The following MALSU1 variants were observed in gnomAD, a reference collection of about 807,000 sequenced individuals.
The protein encoded by MALSU1 is mitochondrial assembly of ribosomal large subunit 1, also known as mitochondrial assembly of ribosomal large subunit protein 1.
Under a neutral mutation model 22.1 loss-of-function variants are expected in MALSU1, and 22 were observed. That is an observed-to-expected ratio of 1.00 (90% CI 0.71 to 1.42). MALSU1 has a LOEUF of 1.42. MALSU1 is among the 40% of genes most tolerant of loss of function. The pLI is 0.00. For missense variants in MALSU1, 379 were observed against 308.3 expected, an observed-to-expected ratio of 1.23 and a Z score of -1.72; for synonymous variants, 153 against 118.5, an observed-to-expected ratio of 1.29 and a Z score of -1.89.
intron 2 of MALSU1, among the ~76,000 whole-genome samples, chr7:23,305,499 C>G (rs1196558542): frequency 6.6e-6 from 1 of 151,864 alleles, no homozygotes; most frequent in African/African-American, 2.4e-5. Flanking sequence ...CCTCAGCCTC[C>G]CAAGTAGCTG....
intron 2 of MALSU1, among the ~76,000 whole-genome samples, chr7:23,304,357 T>G (rs1261678414): frequency 6.6e-6 from 1 of 152,216 alleles, no homozygotes; most frequent in Non-Finnish European, 1.5e-5. Context: ...ATTTTCTCAT[T>G]TTGGTAATAG....
rs968297808 is a variant in MALSU1, at chr7:23,310,806, T to TTA, written c.*1271_*1272dup. The TTA allele has an allele frequency of 6.6e-5, 10 of 151,938 alleles. No individual in the cohort carries two copies. Among genetic ancestry groups the TTA allele is most frequent in the Non-Finnish European group, 1.0e-4 (7 of 67,990 alleles). 9.4% of individuals were successfully genotyped at this position (151,938 alleles called of 1,614,324 possible). A position where few individuals can be genotyped will look rare whatever the true frequency, so the allele number is the denominator to read the frequency against. On this transcript the variant is annotated 3_prime_UTR_variant, in exon 4 of 4. Coordinates refer to ENST00000466681, the MANE Select transcript of MALSU1 (RefSeq NM_138446.2). ...AGGCAGTGATTTTTTTTTTAAAGGG[T>TTA]TATATATATGTCCTTTAGATCAGTG...
chr7:23,309,558 TGC>T lies in MALSU1; in HGVS notation c.*17_*18del, dbSNP rs776405814. ...AATGTGAATAAAATATTTTATGCAC[TGC>T]GTTAGTCATTTCAGATTTGGATTGA... On this transcript the variant is annotated 3_prime_UTR_variant, in exon 4 of 4. Transcript: ENST00000466681. 6.4e-7 allele frequency: 1 copy of T among 1,561,244 alleles called. No homozygotes were observed. Among genetic ancestry groups the T allele is most frequent in the African/African-American group, 1.4e-5 (1 of 73,002 alleles).
chr7:23,308,733 C>T (rs1479081472), intron 3 of MALSU1, among the ~76,000 whole-genome samples: 1 of 152,122 alleles, frequency 6.6e-6, no homozygotes, highest in African/African-American at 2.4e-5. Context: ...TTATAACTGG[C>T]AGGAAGCAGG....
At chr7:23,300,726 C>A in intron 1 of MALSU1, 113 bp from the exon 2 acceptor site, 1 of 895,086 alleles carries the variant, frequency 1.1e-6, no homozygotes, top group African/African-American at 1.7e-5. Flanking sequence ...TCTGTAAAAA[C>A]ACTTTGGATC....
intron 2 of MALSU1, among the ~76,000 whole-genome samples, chr7:23,306,429 CTT>C (rs575334744): frequency 4.9e-5 from 7 of 142,842 alleles, no homozygotes; most frequent in Admixed American, 1.4e-4. Context: ...ATTTGGGTAC[CTT>C]TTTTTTTTTT....
At chr7:23,305,922 C>T (rs139834866) in intron 2 of MALSU1, among the ~76,000 whole-genome samples, 3 of 151,892 alleles carry the variant, frequency 2.0e-5, no homozygotes, top group Admixed American at 6.6e-5. Flanking sequence ...AGGCTGCTCA[C>T]GGTGGCTGAT....
At position 23,310,481 on chromosome 7, in the gene MALSU1, A is replaced by G. The variant is rs982264623; in HGVS notation, c.*938A>G. 4.6e-5 allele frequency: 7 copies of G among 152,234 alleles called. No individual in the cohort carries two copies. The highest frequency in any genetic ancestry group is 1.7e-4 in the African/African-American group (7 of 41,472). The allele number at this position is 152,234 out of a possible 1,614,324, so 9.4% of individuals were successfully genotyped here. ...GCACCTATGTGTATATTTTTAAAAAATCAAATATTGGGGAAAAAAATCAAA... is the reference window on the plus strand; with the variant it reads ...GCACCTATGTGTATATTTTTAAAAAGTCAAATATTGGGGAAAAAAATCAAA... On this transcript the variant is annotated 3_prime_UTR_variant, in exon 4 of 4. Coordinates refer to ENST00000466681, the MANE Select transcript of MALSU1 (RefSeq NM_138446.2).
chr7:23,303,857 G>A (rs1783690895), intron 2 of MALSU1, among the ~76,000 whole-genome samples: 1 of 150,872 alleles, frequency 6.6e-6, no homozygotes, highest in African/African-American at 2.4e-5. Context: ...TGTAATCCCA[G>A]CACTTTGGGA....
intron 2 of MALSU1, among the ~76,000 whole-genome samples, chr7:23,302,039 G>T (rs1403712043): frequency 2.0e-5 from 3 of 152,008 alleles, no homozygotes; most frequent in African/African-American, 4.8e-5. Flanking sequence ...CAATAGCCAC[G>T]TGTGGCTAAT....
At position 23,300,965 on chromosome 7, in the gene MALSU1, G is replaced by C. The variant is rs1264388678; in HGVS notation, c.383G>C (p.Ser128Thr). 5 of 1,614,026 alleles carry C rather than the reference G, an allele frequency of 3.1e-6. No individual in the cohort carries two copies. The highest frequency in any genetic ancestry group is 3.4e-6 in the Non-Finnish European group (4 of 1,179,996). ...MRYTDYFVIV[S>T]GTSTRHLHAM... ...TATACAGATTACTTTGTGATTGTTAGTGGAACTTCTACCCGACACTTACAT... is the reference window on the plus strand; with the variant it reads ...TATACAGATTACTTTGTGATTGTTACTGGAACTTCTACCCGACACTTACAT... Residue 128 changes from serine to threonine, a missense_variant, in exon 2 of 4, where the codon AGT becomes ACT. By Grantham distance (58) the Ser-to-Thr change is moderately conservative (BLOSUM62 1). Transcript: ENST00000466681.
At position 23,309,424 on chromosome 7, in the gene MALSU1, C is replaced by A. The variant is rs761036860; in HGVS notation, c.586C>A (p.Leu196Ile). 1 of 1,613,568 alleles carries A rather than the reference C, an allele frequency of 6.2e-7. No individual in the cohort carries two copies. Among genetic ancestry groups the A allele is most frequent in the African/African-American group, 1.3e-5 (1 of 74,900 alleles). ...EIYELEKLWT[L>I]RSYDDQLAQI... ...CTATGAATTAGAGAAATTATGGACC[C>A]TACGTTCTTATGATGACCAGTTAGC... is the stretch of plus-strand genomic sequence containing the variant. Residue 196 changes from leucine (L) to isoleucine (I), a missense_variant, in exon 4 of 4, where the codon CTA becomes ATA. Leu to Ile is a conservative substitution (Grantham distance 5, BLOSUM62 2). Coordinates refer to ENST00000466681, the MANE Select transcript of MALSU1 (RefSeq NM_138446.2).
At position 23,300,977 on chromosome 7, in the gene MALSU1, C is replaced by G. The variant is rs367666703; in HGVS notation, c.395C>G (p.Thr132Ser). 1.2e-6 allele frequency: 2 copies of G among 1,613,962 alleles called. No individual in the cohort carries two copies. The highest frequency in any genetic ancestry group is 1.7e-6 in the Non-Finnish European group (2 of 1,179,944). The change falls in exon 2 of 4, where the codon ACC (threonine) becomes AGC (serine). Residue 132 changes from threonine to serine, a missense_variant. Thr to Ser is a moderately conservative substitution (Grantham distance 58). Transcript: ENST00000466681. ...DYFVIVSGTSTRHLHAMAFYV... is the reference protein window; with the variant it reads ...DYFVIVSGTSSRHLHAMAFYV... ...TTTGTGATTGTTAGTGGAACTTCTA[C>G]CCGACACTTACATGCCATGGCCTTC...
chr7:23,301,184 CAT>C (rs1783640085), intron 2 of MALSU1, 167 bp downstream of exon 2: 1 of 581,876 alleles, frequency 1.7e-6, no homozygotes, highest in Non-Finnish European at 3.0e-6. Context: ...GATAGTGAAA[CAT>C]ATGGGAGCAA....
Position 23,299,601 on chromosome 7 carries a change from C to T in MALSU1, c.249C>T (p.Asp83=), listed in dbSNP as rs1195861108. 2.5e-6 allele frequency: 4 copies of T among 1,583,696 alleles called. No homozygotes were observed. The South Asian group carries it at 4.6e-5, about 18-fold the overall frequency. Reference sequence around the variant, plus strand: ...TCAACGAGGGACGCCCAGAATCGGACGCGGCAGGTACGGGCGTGGAGAAGA... The same window carrying T: ...TCAACGAGGGACGCCCAGAATCGGATGCGGCAGGTACGGGCGTGGAGAAGA... ...GTVNEGRPES[D]AADHTGPKFD... Residue 83 remains aspartate (D), a synonymous_variant, in exon 1 of 4, where the codon GAC becomes GAT. Coordinates refer to ENST00000466681, the MANE Select transcript of MALSU1 (RefSeq NM_138446.2).
chr7:23,300,282 G>A (rs1299417068), intron 1 of MALSU1, among the ~76,000 whole-genome samples: 2 of 152,090 alleles, frequency 1.3e-5, no homozygotes, highest in African/African-American at 4.8e-5. Flanking sequence ...AAACTGGAAG[G>A]TTCAAAATAA....
At position 23,300,911 on chromosome 7, in the gene MALSU1, G is replaced by A. The variant is rs749599138; in HGVS notation, c.329G>A (p.Cys110Tyr). The stretch of plus-strand genomic sequence containing the variant: ...AGGCAAGAAAATGCAAGAGACATTT[G>A]TGTGATCCAGGTTCCTCCAGAAATG... The part of the protein sequence containing the change: ...LLRQENARDI[C>Y]VIQVPPEMRY... The change falls in exon 2 of 4, where the codon TGT (cysteine) becomes TAT (tyrosine). Residue 110 changes from cysteine (C) to tyrosine (Y), a missense_variant. Physicochemically the swap from Cys to Tyr is radical, Grantham distance 194 (BLOSUM62 -2). Coordinates refer to ENST00000466681, the MANE Select transcript of MALSU1 (RefSeq NM_138446.2). 6.2e-7 allele frequency: 1 copy of A among 1,614,020 alleles called. No individual in the cohort carries two copies. Among genetic ancestry groups the A allele is most frequent in the South Asian group, 1.1e-5 (1 of 91,078 alleles).
In MALSU1 at chr7:23,311,281, A is replaced by G. The variant is rs891401366; in HGVS notation, c.*1738A>G. On this transcript the variant is annotated 3_prime_UTR_variant, in exon 4 of 4. Coordinates refer to ENST00000466681, the MANE Select transcript of MALSU1 (RefSeq NM_138446.2). The stretch of plus-strand genomic sequence containing the variant: ...AGTGTAGTGGCAAACTAAGCATCCT[A>G]TAAGACAAGCTAAAGCTTGCTTTTT... The G allele has an allele frequency of 6.6e-6, 1 of 152,564 alleles. No homozygotes were observed. The highest frequency in any genetic ancestry group is 2.4e-5 in the African/African-American group (1 of 41,444). The allele number at this position is 152,564 out of a possible 1,614,324, so 9.5% of individuals were successfully genotyped here. A position where few individuals can be genotyped will look rare whatever the true frequency, so the allele number is the denominator to read the frequency against.
chr7:23,307,781 A>C (rs1783740706), intron 2 of MALSU1, 87 bp from the exon 3 acceptor site: 1 of 827,832 alleles, frequency 1.2e-6, no homozygotes, highest in Non-Finnish European at 2.0e-6. Flanking sequence ...AAAAAAAACA[A>C]ACAAACAAAC....
Sources: gnomAD v4.1 joint callset for allele counts (sites outside exome capture counted in the v4.1 genomes callset) on GRCh38, gnomAD v4.1.1 for gene constraint, MANE v1.5 for transcripts, NCBI Gene and HGNC (gene_info 2026-07-23, HGNC 2026-07-21) for gene names.